The following PRH1 variants were observed in gnomAD, a reference collection of about 807,000 sequenced individuals.
The protein encoded by PRH1 is salivary acidic proline-rich phosphoprotein 1/2.
A neutral mutation model predicts 7.9 loss-of-function variants in PRH1; 7 were observed. The observed-to-expected ratio is 0.89, with a 90% CI of 0.50 to 1.67. The LOEUF is 1.67. PRH1 is among the 40% of genes most tolerant of loss of function. The pLI, the probability that PRH1 is intolerant of heterozygous loss-of-function variation, is 0.00. For missense variants in PRH1, 109 were observed against 223.6 expected, an observed-to-expected ratio of 0.49 and a Z score of 3.27; for synonymous variants, 45 against 80.8, an observed-to-expected ratio of 0.56 and a Z score of 2.38.
chr12:10,901,842 T>C (rs547744434), intron 2 of PRH1, among the ~76,000 whole-genome samples: 13 of 151,758 alleles, frequency 8.6e-5, no homozygotes, highest in African/African-American at 2.9e-4. Context: ...AATAATATTA[T>C]AGGGAAATAA....
chr12:10,906,486 T>A (rs1183721755), intron 2 of PRH1, among the ~76,000 whole-genome samples: 1 of 152,208 alleles, frequency 6.6e-6, no homozygotes, highest in African/African-American at 2.4e-5. Flanking sequence ...AGAACTTATA[T>A]TCAGAATGAT....
Position 10,933,452 on chromosome 12 carries a change from ACTACT to A in PRH1, c.-59+40198_-59+40202del, listed in dbSNP as rs142298565. On this transcript the variant is annotated intron_variant, in intron 2 of 3. Transcript: ENST00000539853. The stretch of plus-strand genomic sequence containing the variant: ...TCTTGAAAAAAAATTTTTTGATATG[ACTACT>A]CTAACAGTAATAACTATAAATCTCA... 2.7e-3 allele frequency among the ~76,000 whole-genome samples: 408 copies of A among 152,178 alleles called. 1 individual carries two copies. The highest frequency in any genetic ancestry group is 9.5e-3 in the African/African-American group (396 of 41,554).
intron 2 of PRH1, among the ~76,000 whole-genome samples, chr12:10,936,373 T>A (rs1950288071): frequency 6.6e-6 from 1 of 152,166 alleles, no homozygotes; most frequent in Non-Finnish European, 1.5e-5. Flanking sequence ...TGTGCAGTTT[T>A]CCTCCTGAGT....
chr12:10,884,491 T>C (rs1224732755), upstream of PRH1, among the ~76,000 whole-genome samples: 2 of 152,194 alleles, frequency 1.3e-5, no homozygotes, highest in Non-Finnish European at 2.9e-5. Context: ...TTGACGGAAC[T>C]GTGTCCAAGC....
chr12:10,886,403 T>G (rs1369784038), upstream of PRH1, among the ~76,000 whole-genome samples: 1 of 152,198 alleles, frequency 6.6e-6, no homozygotes, highest in Non-Finnish European at 1.5e-5. Flanking sequence ...GAAATCCTCC[T>G]AAAGGTCACT....
intron 2 of PRH1, chr12:10,965,034 A>C (rs904208984): frequency 3.2e-6 from 3 of 933,694 alleles, no homozygotes; most frequent in East Asian, 7.5e-5. Flanking sequence ...ATCTTGAGGA[A>C]ATAAAATATG....
intron 2 of PRH1, among the ~76,000 whole-genome samples, chr12:10,949,474 T>A (rs1191821548): frequency 6.6e-6 from 1 of 152,170 alleles, no homozygotes; most frequent in Non-Finnish European, 1.5e-5. Context: ...TAAATTTACA[T>A]TTCTAGATTA....
In PRH1 at chr12:11,070,804, T is replaced by C. The variant is rs1398170497; in HGVS notation, n.124-23616A>G. Among the ~76,000 whole-genome samples the C allele has an allele frequency of 1.0e-4, 15 of 150,544 alleles. No individual in the cohort carries two copies. The East Asian group carries it at 2.9e-3, about 29-fold the overall frequency. On this transcript the variant is annotated intron_variant and non_coding_transcript_variant, in intron 1 of 4. Transcript: ENST00000541977. ...CCATGAGATGGAGTAGGAGATTTTC[T>C]TTTTAATTTTCTTTTGTTTTCTGTG... is the stretch of plus-strand genomic sequence containing the variant.
intron 2 of PRH1, among the ~76,000 whole-genome samples, chr12:10,890,388 T>G (rs974349194): frequency 6.6e-6 from 1 of 151,248 alleles, no homozygotes; most frequent in Non-Finnish European, 1.5e-5. Flanking sequence ...AACTTTGGTG[T>G]GTGTGTGTGT....
chr12:10,931,105 C>G (rs1191653494), intron 2 of PRH1: 10 of 1,572,202 alleles, frequency 6.4e-6, no homozygotes, highest in Middle Eastern at 2.2e-4. Context: ...TATTATCCAT[C>G]AAAGGCTCCA....
chr12:10,901,063 A>C (rs1949716469), intron 2 of PRH1, among the ~76,000 whole-genome samples: 1 of 152,124 alleles, frequency 6.6e-6, no homozygotes, highest in Non-Finnish European at 1.5e-5. Context: ...TCTCTGCTGC[A>C]TACCCTAGCA....
chr12:11,122,702 T>C (rs1422432388), intron 1 of PRH1, among the ~76,000 whole-genome samples: 2 of 152,280 alleles, frequency 1.3e-5, no homozygotes, highest in Non-Finnish European at 2.9e-5. Flanking sequence ...TATACATGAA[T>C]GTATACAAAT....
At chr12:11,051,641 C>A (rs1489097672), upstream of PRH1, among the ~76,000 whole-genome samples, 3 of 132,058 alleles carry the variant, frequency 2.3e-5, no homozygotes, top group African/African-American at 5.3e-5. Flanking sequence ...TTATGATGAT[C>A]ATTTTTTAAA....
At position 11,091,459 on chromosome 12, in the gene PRH1, GT is replaced by G; in HGVS notation, n.124-44272del. 2.4e-6 allele frequency: 3 copies of G among 1,268,592 alleles called. 1 individual carries two copies. Among genetic ancestry groups the G allele is most frequent in the Non-Finnish European group, 2.2e-6 (2 of 893,256 alleles). The allele number at this position is 1,268,592 out of a possible 1,614,324, so 78.6% of individuals were successfully genotyped here. Reference sequence around the variant, plus strand: ...CTTTGCAGAACATGAAGACAGGTTTGTTTTCCAGACTTCCAAAACTCCAAAC... The same window carrying G: ...CTTTGCAGAACATGAAGACAGGTTTGTTTCCAGACTTCCAAAACTCCAAAC... On this transcript the variant is annotated intron_variant and non_coding_transcript_variant, in intron 1 of 4. Transcript: ENST00000541977.
At chr12:11,075,591 T>C (rs1037495059) in intron 1 of PRH1, among the ~76,000 whole-genome samples, 1 of 114,904 alleles carries the variant, frequency 8.7e-6, no homozygotes, top group Non-Finnish European at 2.1e-5. Flanking sequence ...TGTGCAAATA[T>C]ACCAGAATCC....
At chr12:10,918,686 A>G (rs150988742) in intron 2 of PRH1, among the ~76,000 whole-genome samples, 79 of 152,352 alleles carry the variant, frequency 5.2e-4, no homozygotes, top group Non-Finnish European at 2.4e-4. Flanking sequence ...TTATAATTCT[A>G]TGTAACAATT....
At chr12:11,091,609 C>T in intron 1 of PRH1, 1 of 1,307,632 alleles carries the variant, frequency 7.6e-7, no homozygotes, top group East Asian at 2.3e-5. Context: ...GCTGCATCTT[C>T]TTGAGATGTT....
intron 1 of PRH1, among the ~76,000 whole-genome samples, chr12:11,148,428 C>T (rs1407459096): frequency 7.0e-6 from 1 of 142,224 alleles, no homozygotes; most frequent in African/African-American, 2.5e-5. Flanking sequence ...GTGGGTCTGT[C>T]ATAGATAGCT....
intron 1 of PRH1, among the ~76,000 whole-genome samples, chr12:11,123,333 A>G (rs188968827): frequency 2.4e-5 from 3 of 126,352 alleles, no homozygotes; most frequent in East Asian, 5.3e-4. Flanking sequence ...TTGTGTATAT[A>G]TATCTGGGTG....
Sources: allele counts gnomAD v4.1 joint callset (sites outside exome capture counted in the v4.1 genomes callset), GRCh38; gene constraint gnomAD v4.1.1; transcripts MANE v1.5; gene names NCBI Gene and HGNC (gene_info 2026-07-23, HGNC 2026-07-21).